The following TTC27 variants were observed in gnomAD, a reference collection of about 807,000 sequenced individuals.
The protein encoded by TTC27 is tetratricopeptide repeat domain 27.
A neutral mutation model predicts 115.9 loss-of-function variants in TTC27; 79 were observed. The ratio of observed to expected loss-of-function variants is 0.68; its 90% CI spans 0.57 to 0.82. The LOEUF (loss-of-function observed/expected upper bound fraction) is 0.82. TTC27 is among the 40% of genes least tolerant of loss of function. The pLI is 0.00. For synonymous variants in TTC27, 401 were observed against 356.0 expected (o/e 1.13, Z -1.42); for missense variants, 1,054 against 993.1 (o/e 1.06, Z -0.82).
intron 13 of TTC27, among the ~76,000 whole-genome samples, chr2:32,769,001 A>G (rs1332573355): frequency 6.6e-6 from 1 of 152,228 alleles, no homozygotes; most frequent in African/African-American, 2.4e-5. Context: ...TTGCTAGTCC[A>G]TTGGAGATAA....
intron 12 of TTC27, among the ~76,000 whole-genome samples, chr2:32,741,334 A>C (rs1668628019): frequency 6.6e-6 from 1 of 152,136 alleles, no homozygotes. Context: ...TAAGCTGCTT[A>C]AGAACCAGAC....
chr2:32,805,744 A>G (rs1671110658), intron 16 of TTC27, among the ~76,000 whole-genome samples: 1 of 152,236 alleles, frequency 6.6e-6, no homozygotes, highest in African/African-American at 2.4e-5. Context: ...TTGAGGATCA[A>G]TGATAATTGT....
chr2:32,631,172 A>G (rs1664190421), intron 2 of TTC27, among the ~76,000 whole-genome samples: 1 of 152,106 alleles, frequency 6.6e-6, no homozygotes, highest in African/African-American at 2.4e-5. Context: ...GCATGGTGGC[A>G]TGCGCCTGTA....
At chr2:32,658,254 C>G (rs1369433814) in intron 5 of TTC27, among the ~76,000 whole-genome samples, 1 of 152,194 alleles carries the variant, frequency 6.6e-6, no homozygotes, top group Non-Finnish European at 1.5e-5. Context: ...TCTCCAGTAT[C>G]TGGGACTACA....
chr2:32,787,327 A>G (rs763244516), intron 16 of TTC27, among the ~76,000 whole-genome samples, 178 bp downstream of exon 16: 20 of 152,326 alleles, frequency 1.3e-4, no homozygotes, highest in Middle Eastern at 6.8e-3. Flanking sequence ...TGCTATTCTA[A>G]TGTCAAATTT....
chr2:32,754,808 T>A (rs1669150434), intron 12 of TTC27, among the ~76,000 whole-genome samples: 1 of 115,376 alleles, frequency 8.7e-6, no homozygotes, highest in Admixed American at 8.5e-5. Flanking sequence ...ACGGGGCGGC[T>A]GGCTGGGCGG....
chr2:32,645,803 G>A (rs113196604), intron 4 of TTC27, among the ~76,000 whole-genome samples: 3,824 of 151,466 alleles, frequency 0.025, 73 homozygotes, highest in Middle Eastern at 0.037. Context: ...TGCAACCTCC[G>A]CCTCCCGGGT....
chr2:32,760,962 C>A (rs1001718566), intron 13 of TTC27, among the ~76,000 whole-genome samples: 27 of 152,216 alleles, frequency 1.8e-4, no homozygotes, highest in African/African-American at 5.8e-4. Flanking sequence ...TCTGCACTTA[C>A]TTCCTTGATT....
chr2:32,721,620 CTTTTTTT>C (rs58839860), intron 10 of TTC27, among the ~76,000 whole-genome samples: 2 of 137,340 alleles, frequency 1.5e-5, no homozygotes, highest in African/African-American at 2.7e-5. Flanking sequence ...CTCTCTCTCT[CTTTTTTT>C]TTTTTTTTTT....
intron 5 of TTC27, among the ~76,000 whole-genome samples, chr2:32,652,532 G>T (rs1051004658): frequency 1.3e-5 from 2 of 152,076 alleles, no homozygotes; most frequent in African/African-American, 4.8e-5. Flanking sequence ...TTCCCAAAGA[G>T]GTCTCAGTTC....
At chr2:32,628,676 T>A (rs1472236041) in intron 1 of TTC27, among the ~76,000 whole-genome samples, 1 of 152,234 alleles carries the variant, frequency 6.6e-6, no homozygotes. Context: ...GTAGATTCAA[T>A]TTTTAATCCC....
At chr2:32,741,323 G>A (rs776746586) in intron 12 of TTC27, among the ~76,000 whole-genome samples, 5 of 152,082 alleles carry the variant, frequency 3.3e-5, no homozygotes, top group Non-Finnish European at 5.9e-5. Context: ...TCTACTAAAT[G>A]TAAGCTGCTT....
Position 32,672,253 on chromosome 2 carries a change from T to A in TTC27, c.940-19T>A. 6.3e-7 allele frequency: 1 copy of A among 1,583,742 alleles called. No individual in the cohort carries two copies. Among genetic ancestry groups the A allele is most frequent in the East Asian group, 2.2e-5 (1 of 44,666 alleles). ...AAATTTAATTTTTGGTCTAAGTATT[T>A]TCTTTTGTATTCTACTAGAATCTTG... On this transcript the variant is annotated intron_variant, in intron 7 of 19. Transcript: ENST00000317907.
chr2:32,722,488 GT>G (rs1385120888), intron 10 of TTC27, among the ~76,000 whole-genome samples: 1 of 152,158 alleles, frequency 6.6e-6, no homozygotes, highest in Non-Finnish European at 1.5e-5. Context: ...CTAGGGAGGA[GT>G]CATTATGTAC....
At chr2:32,748,141 A>T (rs1352835161) in intron 12 of TTC27, among the ~76,000 whole-genome samples, 1 of 151,946 alleles carries the variant, frequency 6.6e-6, no homozygotes, top group African/African-American at 2.4e-5. Flanking sequence ...CGTAAGTTTC[A>T]GCATATTTTG....
intron 10 of TTC27, among the ~76,000 whole-genome samples, chr2:32,732,441 G>T (rs970634569): frequency 6.6e-6 from 1 of 152,140 alleles, no homozygotes; most frequent in Non-Finnish European, 1.5e-5. Context: ...GCTAATAAAT[G>T]TATCTCCCAG....
chr2:32,817,850 G>A (rs1436924085), intron 19 of TTC27, among the ~76,000 whole-genome samples: 1 of 152,160 alleles, frequency 6.6e-6, no homozygotes, highest in African/African-American at 2.4e-5. Flanking sequence ...GAGGTTGGGA[G>A]TTTGAGACCA....
At chr2:32,754,931 A>G (rs1020962587) in intron 12 of TTC27, among the ~76,000 whole-genome samples, 3 of 146,768 alleles carry the variant, frequency 2.0e-5, no homozygotes, top group Non-Finnish European at 4.5e-5. Context: ...GATGCTCCTC[A>G]CTTCCCAGAC....
chr2:32,671,374 G>C (rs188124164), intron 7 of TTC27, among the ~76,000 whole-genome samples: 1 of 150,664 alleles, frequency 6.6e-6, no homozygotes, highest in Admixed American at 6.6e-5. Flanking sequence ...GGGTCTTGCT[G>C]TGTTACTCAG....
Sources: allele counts gnomAD v4.1 joint callset (sites outside exome capture counted in the v4.1 genomes callset), GRCh38; gene constraint gnomAD v4.1.1; transcripts MANE v1.5; gene names NCBI Gene and HGNC (gene_info 2026-07-23, HGNC 2026-07-21).